Variants in AUTS2 observed in about 807,000 individuals in gnomAD.
The protein encoded by AUTS2 is autism susceptibility gene 2 protein.
A neutral mutation model predicts 112.4 loss-of-function variants in AUTS2; 17 were observed. That is an observed-to-expected ratio of 0.15 (90% CI 0.10 to 0.23). AUTS2 has a LOEUF of 0.23. Ranked by LOEUF, AUTS2 falls within the 10% of genes least tolerant of loss-of-function variation. AUTS2 has a pLI of 1.00. For synonymous variants in AUTS2, 751 were observed against 702.7 expected (o/e 1.07, Z -1.09); for missense variants, 1,510 against 1,701.6 (o/e 0.89, Z 1.98).
chr7:69,919,725 T>C (rs1035113305), intron 2 of AUTS2, among the ~76,000 whole-genome samples: 1 of 152,152 alleles, frequency 6.6e-6, no homozygotes, highest in Non-Finnish European at 1.5e-5. Context: ...TGTGAAGATG[T>C]TATACATGCT....
intron 2 of AUTS2, among the ~76,000 whole-genome samples, chr7:70,019,819 A>G (rs1800193629): frequency 6.6e-6 from 1 of 152,194 alleles, no homozygotes; most frequent in South Asian, 2.1e-4. Flanking sequence ...CTTAATTTAA[A>G]AAATTTTCGT....
intron 1 of AUTS2, among the ~76,000 whole-genome samples, chr7:69,801,856 T>C (rs1790099473): frequency 6.6e-6 from 1 of 152,030 alleles, no homozygotes; most frequent in African/African-American, 2.4e-5. Flanking sequence ...AACTGGTAAG[T>C]GCTAGGAAGG....
At chr7:70,279,662 T>C (rs1318734706) in intron 4 of AUTS2, among the ~76,000 whole-genome samples, 1 of 152,248 alleles carries the variant, frequency 6.6e-6, no homozygotes, top group African/African-American at 2.4e-5. Flanking sequence ...ACACTAAAAT[T>C]ACGGAACTAC....
chr7:70,428,785 A>G (rs895222365), intron 4 of AUTS2, among the ~76,000 whole-genome samples: 1 of 152,164 alleles, frequency 6.6e-6, no homozygotes, highest in East Asian at 1.9e-4. Flanking sequence ...GATATATTCA[A>G]TGATTGCCAC....
At chr7:70,754,951 AT>A (rs1789100602) in intron 6 of AUTS2, among the ~76,000 whole-genome samples, 1 of 151,244 alleles carries the variant, frequency 6.6e-6, no homozygotes, top group South Asian at 2.1e-4. Context: ...GAATATGAAG[AT>A]GTGAAGACCA....
rs546505009 is a variant in AUTS2, at chr7:70,065,017, A to G, written c.523-53115A>G. ...TGTTGAATAAATGAATGAATGAATGACCAAATGATTGAACAAACAAAGGAG... is the reference window on the plus strand; with the variant it reads ...TGTTGAATAAATGAATGAATGAATGGCCAAATGATTGAACAAACAAAGGAG... On this transcript the variant is annotated intron_variant, in intron 2 of 18. Transcript: ENST00000342771. 2.0e-5 allele frequency among the ~76,000 whole-genome samples: 3 copies of G among 152,292 alleles called. No homozygotes were observed. In the South Asian group the frequency reaches 6.2e-4, roughly 32 times the overall value.
At chr7:69,982,485 G>A (rs1404233468) in intron 2 of AUTS2, among the ~76,000 whole-genome samples, 2 of 151,960 alleles carry the variant, frequency 1.3e-5, no homozygotes, top group East Asian at 3.9e-4. Context: ...AAAACGTGGA[G>A]TATTTTCCTT....
At chr7:70,148,751 A>G (rs1196296531) in intron 4 of AUTS2, among the ~76,000 whole-genome samples, 1 of 152,120 alleles carries the variant, frequency 6.6e-6, no homozygotes, top group African/African-American at 2.4e-5. Context: ...AAACGGTGTA[A>G]GTGACAGACT....
intron 12 of AUTS2, 160 bp downstream of exon 12, chr7:70,774,259 AAC>A (rs1790546369): frequency 4.5e-6 from 3 of 667,680 alleles, no homozygotes; most frequent in Non-Finnish European, 7.9e-6. Context: ...ACTCTTAGAA[AAC>A]ACAGTCTCTC....
chr7:69,724,761 A>T (rs1480003542), intron 1 of AUTS2, among the ~76,000 whole-genome samples: 1 of 152,212 alleles, frequency 6.6e-6, no homozygotes, highest in Non-Finnish European at 1.5e-5. Context: ...TGTGATTGTC[A>T]GCTGAATATG....
chr7:70,046,130 T>C (rs1801494070), intron 2 of AUTS2, among the ~76,000 whole-genome samples: 2 of 152,346 alleles, frequency 1.3e-5, no homozygotes, highest in South Asian at 2.1e-4. Flanking sequence ...AAATATTGAC[T>C]GGAATACTGT....
intron 5 of AUTS2, among the ~76,000 whole-genome samples, chr7:70,522,821 A>G (rs915816928): frequency 2.6e-5 from 4 of 152,202 alleles, no homozygotes; most frequent in South Asian, 4.1e-4. Flanking sequence ...GCGTATGCCC[A>G]GTAATGAGAT....
intron 2 of AUTS2, among the ~76,000 whole-genome samples, chr7:69,962,003 C>G: frequency 6.6e-6 from 1 of 152,094 alleles, no homozygotes; most frequent in East Asian, 1.9e-4. Context: ...ATTCATGTAT[C>G]CAGCTCTGTG....
chr7:69,649,025 T>C (rs1234248153), intron 1 of AUTS2, among the ~76,000 whole-genome samples: 2 of 152,198 alleles, frequency 1.3e-5, no homozygotes, highest in Non-Finnish European at 2.9e-5. Context: ...ACATTTAGGC[T>C]GGAACCCATG....
intron 1 of AUTS2, among the ~76,000 whole-genome samples, chr7:69,773,932 C>T (rs1788783394): frequency 6.6e-6 from 1 of 152,222 alleles, no homozygotes; most frequent in Non-Finnish European, 1.5e-5. Context: ...CAGTCAGTGC[C>T]TCATATTCAG....
At position 70,682,800 on chromosome 7, in the gene AUTS2, G is replaced by A. The variant is rs78499703; in HGVS notation, c.691-15769G>A. Among the ~76,000 whole-genome samples, 1,248 of 152,360 alleles carry A rather than the reference G, an allele frequency of 8.2e-3. 25 individuals carry two copies. Among genetic ancestry groups the A allele is most frequent in the African/African-American group, 0.028 (1,176 of 41,584 alleles). On this transcript the variant is annotated intron_variant, in intron 5 of 18. Coordinates refer to ENST00000342771, the MANE Select transcript of AUTS2 (RefSeq NM_015570.4). Reference sequence around the variant, plus strand: ...TAAGGCAAGTTCAGCTGGAGCTGGCGGAGCCACACCCAAGATGGCTTCTTC... The same window carrying A: ...TAAGGCAAGTTCAGCTGGAGCTGGCAGAGCCACACCCAAGATGGCTTCTTC...
chr7:69,827,955 G>A (rs886115074), intron 1 of AUTS2, among the ~76,000 whole-genome samples: 3 of 152,184 alleles, frequency 2.0e-5, no homozygotes, highest in African/African-American at 7.2e-5. Context: ...TAATTCTTTT[G>A]TAGAAACTGC....
intron 4 of AUTS2, among the ~76,000 whole-genome samples, chr7:70,346,971 A>G (rs1478954117): frequency 2.0e-5 from 3 of 152,198 alleles, no homozygotes; most frequent in Non-Finnish European, 2.9e-5. Context: ...CTTTCTGTTC[A>G]GCCAAGAGTC....
At chr7:70,068,508 A>C (rs1802605501) in intron 2 of AUTS2, among the ~76,000 whole-genome samples, 1 of 152,136 alleles carries the variant, frequency 6.6e-6, no homozygotes, top group Non-Finnish European at 1.5e-5. Flanking sequence ...TTTCTAAAAT[A>C]AGTGCATATT....
Sources: allele counts gnomAD v4.1 joint callset (sites outside exome capture counted in the v4.1 genomes callset), GRCh38; gene constraint gnomAD v4.1.1; transcripts MANE v1.5; gene names NCBI Gene and HGNC (gene_info 2026-07-23, HGNC 2026-07-21).